BCO1: variants seen among roughly 807,000 people sequenced by gnomAD.
BCO1 encodes the protein beta,beta-carotene 15,15'-dioxygenase.
A neutral mutation model predicts 56.3 loss-of-function variants in BCO1; 54 were observed. That is an observed-to-expected ratio of 0.96 (90% confidence interval 0.77 to 1.20). The LOEUF (loss-of-function observed/expected upper bound fraction) is 1.20. BCO1 is among the 50% of genes most tolerant of loss of function. The probability of loss-of-function intolerance (pLI) is 0.00; values close to 1 mark genes in which losing one functional copy is unlikely to be tolerated. For missense variants in BCO1, 801 were observed against 690.9 expected (o/e 1.16, Z -1.79); for synonymous variants, 318 against 266.1 (o/e 1.20, Z -1.90).
chr16:81,265,154 G>C (rs1240347957), intron 5 of BCO1, among the ~76,000 whole-genome samples: 1 of 150,932 alleles, frequency 6.6e-6, no homozygotes, highest in Non-Finnish European at 1.5e-5. Context: ...CATTCATTCA[G>C]CTACTCACTA....
intron 7 of BCO1, among the ~76,000 whole-genome samples, chr16:81,275,932 G>T (rs997480739): frequency 2.0e-5 from 3 of 152,218 alleles, no homozygotes; most frequent in African/African-American, 7.2e-5. Flanking sequence ...TGGCTGGGAG[G>T]GGTGTGGGCA....
At chr16:81,261,270 C>T (rs985839485) in intron 3 of BCO1, among the ~76,000 whole-genome samples, 1 of 152,210 alleles carries the variant, frequency 6.6e-6, no homozygotes, top group Non-Finnish European at 1.5e-5. Flanking sequence ...TACACCGATA[C>T]AGGATTTGCC....
chr16:81,289,398 T>C (rs1908343438), intron 10 of BCO1, among the ~76,000 whole-genome samples: 2 of 152,088 alleles, frequency 1.3e-5, no homozygotes, highest in Non-Finnish European at 2.9e-5. Flanking sequence ...ATCCCAGCAC[T>C]TGGGAGGTCA....
rs752426109 is a variant in BCO1, at chr16:81,268,115, TC to T, written c.829del (p.His277ThrfsTer64). The T allele has an allele frequency of 3.7e-5, 59 of 1,609,472 alleles. 1 individual carries two copies. In the South Asian group the frequency reaches 6.0e-4, roughly 16 times the overall value. On this transcript the variant is annotated frameshift_variant, in exon 6 of 11. Coordinates refer to ENST00000258168, the MANE Select transcript of BCO1 (RefSeq NM_017429.3). LOFTEE classifies it high-confidence loss of function. Reference protein sequence around the residue: ...RRMSWASCLAFHREEKTYIHI... With the variant: ...RRMSWASCLAXHREEKTYIHI... ...ATGAGCTGGGCCTCCTGCCTGGCTT[TC>T]CACAGGGAGGAGAAGGTGAGGTCTG...
At chr16:81,262,833 AAAC>A (rs1389525146) in intron 4 of BCO1, 1 of 91,746 alleles carries the variant, frequency 1.1e-5, no homozygotes, top group African/African-American at 6.8e-5. Context: ...TCTCAAACAA[AAAC>A]AAAAAAAAAA....
intron 2 of BCO1, among the ~76,000 whole-genome samples, chr16:81,249,152 G>A (rs925467399): frequency 4.6e-5 from 7 of 150,662 alleles, no homozygotes; most frequent in Admixed American, 1.3e-4. Context: ...GTGTGGTGGC[G>A]CAATCTCGGC....
chr16:81,250,339 C>G (rs1567700005), intron 2 of BCO1, among the ~76,000 whole-genome samples: 1 of 152,180 alleles, frequency 6.6e-6, no homozygotes, highest in Non-Finnish European at 1.5e-5. Flanking sequence ...CCATCCCAAT[C>G]CTCTCAGTGC....
intron 7 of BCO1, among the ~76,000 whole-genome samples, chr16:81,271,644 G>A (rs1336561340): frequency 2.0e-5 from 3 of 152,044 alleles, no homozygotes; most frequent in Non-Finnish European, 2.9e-5. Flanking sequence ...CTTACAATAC[G>A]TGATCTTTTG....
intron 7 of BCO1, among the ~76,000 whole-genome samples, chr16:81,275,877 G>GGC (rs1907523817): frequency 6.6e-6 from 1 of 152,206 alleles, no homozygotes; most frequent in Non-Finnish European, 1.5e-5. Context: ...GTTTACGCAG[G>GGC]GCGGTGTGGG....
chr16:81,262,692 G>C (rs1052091242), intron 4 of BCO1: 2 of 323,716 alleles, frequency 6.2e-6, no homozygotes, highest in South Asian at 5.4e-5. Flanking sequence ...GCCAGGCGTG[G>C]TGGCATGTGC....
At chr16:81,260,323 A>G (rs78557052) in intron 3 of BCO1, among the ~76,000 whole-genome samples, 2 of 149,584 alleles carry the variant, frequency 1.3e-5, no homozygotes, top group Admixed American at 1.3e-4. Context: ...AAAAAAAAAA[A>G]GGAAGGTGTA....
At chr16:81,286,098 T>A (rs1413885298) in intron 9 of BCO1, among the ~76,000 whole-genome samples, 1 of 152,076 alleles carries the variant, frequency 6.6e-6, no homozygotes, top group Non-Finnish European at 1.5e-5. Context: ...GTGTTGTCCA[T>A]GCCTGTCTTG....
At chr16:81,240,500 G>C (rs1454130316) in intron 1 of BCO1, among the ~76,000 whole-genome samples, 1 of 152,090 alleles carries the variant, frequency 6.6e-6, no homozygotes, top group Non-Finnish European at 1.5e-5. Context: ...GAAGCCAGGA[G>C]TTTGAGACCA....
chr16:81,264,905 T>A, intron 5 of BCO1, 118 bp downstream of exon 5: 1 of 1,167,052 alleles, frequency 8.6e-7, no homozygotes, highest in Non-Finnish European at 1.3e-6. Flanking sequence ...CGTAGATTAT[T>A]GAGGTGGACC....
intron 1 of BCO1, among the ~76,000 whole-genome samples, chr16:81,239,322 C>T (rs376667387): frequency 1.3e-5 from 2 of 152,112 alleles, no homozygotes; most frequent in Non-Finnish European, 2.9e-5. Flanking sequence ...TGGCTTCTTC[C>T]TTGTGTTTAG....
At chr16:81,263,729 C>G (rs1349522572) in intron 4 of BCO1, 1 of 152,232 alleles carries the variant, frequency 6.6e-6, no homozygotes, top group Admixed American at 6.5e-5. Flanking sequence ...AAGCACATAC[C>G]TTTCCTGGGA....
At chr16:81,272,846 G>A (rs960528790) in intron 7 of BCO1, among the ~76,000 whole-genome samples, 3 of 152,216 alleles carry the variant, frequency 2.0e-5, no homozygotes, top group East Asian at 3.8e-4. Context: ...CGTCCCTGTA[G>A]AAGCCTCATT....
chr16:81,283,205 G>A (rs190912092), intron 8 of BCO1, among the ~76,000 whole-genome samples: 30 of 152,218 alleles, frequency 2.0e-4, no homozygotes, highest in Non-Finnish European at 2.6e-4. Flanking sequence ...GATTCTTCAA[G>A]AACATGGCTG....
chr16:81,284,594 T>C (rs538638259), intron 8 of BCO1, among the ~76,000 whole-genome samples: 3 of 152,148 alleles, frequency 2.0e-5, no homozygotes, highest in South Asian at 4.1e-4. Flanking sequence ...ATTCACCAGA[T>C]TTAATTAACT....
Sources: gnomAD v4.1 joint callset for allele counts (sites outside exome capture counted in the v4.1 genomes callset) on GRCh38, gnomAD v4.1.1 for gene constraint, MANE v1.5 for transcripts, NCBI Gene and HGNC (gene_info 2026-07-23, HGNC 2026-07-21) for gene names.